ABTB3: variants seen among roughly 807,000 people sequenced by gnomAD.
The protein encoded by ABTB3 is ankyrin repeat- and BTB/POZ domain-containing protein 3.
the ABTB3 span, among the ~76,000 whole-genome samples, chr12:107,539,261 C>T: frequency 6.5e-4 from 99 of 152,238 alleles, no homozygotes; most frequent in Non-Finnish European, 1.1e-3. Flanking sequence ...AACATTGTCT[C>T]AGTGCCCGAT....
chr12:107,432,906 C>G, the ABTB3 span, among the ~76,000 whole-genome samples: 1 of 152,184 alleles, frequency 6.6e-6, no homozygotes, highest in African/African-American at 2.4e-5. Context: ...TTGTGAAAAG[C>G]TTCCTTCTCC....
the ABTB3 span, among the ~76,000 whole-genome samples, chr12:107,385,725 G>T: frequency 6.6e-6 from 1 of 152,144 alleles, no homozygotes; most frequent in African/African-American, 2.4e-5. Flanking sequence ...ATGGCTTATG[G>T]GGCCCAACAG....
chr12:107,568,324 A>G, the ABTB3 span, among the ~76,000 whole-genome samples: 1 of 152,208 alleles, frequency 6.6e-6, no homozygotes, highest in East Asian at 1.9e-4. Flanking sequence ...GGGAGCTATA[A>G]AATCATGGTA....
At chr12:107,412,035 C>T in the ABTB3 span, among the ~76,000 whole-genome samples, 4 of 152,158 alleles carry the variant, frequency 2.6e-5, no homozygotes, top group Non-Finnish European at 5.9e-5. Context: ...CTGACTCAAC[C>T]TGAAGGATGA....
At chr12:107,499,310 C>T in the ABTB3 span, among the ~76,000 whole-genome samples, 1 of 151,780 alleles carries the variant, frequency 6.6e-6, no homozygotes, top group South Asian at 2.1e-4. Context: ...CACAGTGCTG[C>T]GTACTAGAAG....
chr12:107,474,249 C>T, the ABTB3 span, among the ~76,000 whole-genome samples: 233 of 152,212 alleles, frequency 1.5e-3, 2 homozygotes, highest in East Asian at 0.041. Flanking sequence ...GCCACTGGCC[C>T]GTGTTTATTG....
chr12:107,393,608 A>ATAG, the ABTB3 span, among the ~76,000 whole-genome samples: 1 of 152,162 alleles, frequency 6.6e-6, no homozygotes, highest in Non-Finnish European at 1.5e-5. Flanking sequence ...TGCCTATGTC[A>ATAG]TAGTAGGCTC....
chr12:107,578,965 G>A, the ABTB3 span, among the ~76,000 whole-genome samples: 9 of 152,344 alleles, frequency 5.9e-5, no homozygotes, highest in South Asian at 4.1e-4. Flanking sequence ...GAGCTGCGGC[G>A]GGAGCCGTGA....
the ABTB3 span, among the ~76,000 whole-genome samples, chr12:107,454,944 C>G: frequency 2.0e-5 from 3 of 152,296 alleles, no homozygotes; most frequent in Admixed American, 1.3e-4. Flanking sequence ...TCACAACAAC[C>G]CTTGAAATTA....
the ABTB3 span, among the ~76,000 whole-genome samples, chr12:107,640,836 A>G: frequency 3.3e-5 from 5 of 152,220 alleles, no homozygotes; most frequent in Admixed American, 1.3e-4. Flanking sequence ...TCATGTAACA[A>G]TAGGAAGAAC....
the ABTB3 span, among the ~76,000 whole-genome samples, chr12:107,415,968 T>C: frequency 6.6e-6 from 1 of 151,808 alleles, no homozygotes; most frequent in African/African-American, 2.4e-5. Flanking sequence ...CTATGGAATT[T>C]GAAAGAAAAA....
At chr12:107,630,196 C>T in the ABTB3 span, among the ~76,000 whole-genome samples, 46 of 152,310 alleles carry the variant, frequency 3.0e-4, no homozygotes, top group Middle Eastern at 6.8e-3. Flanking sequence ...GGTGCCACCA[C>T]GGCGTAGCAC....
chr12:107,449,237 C>T, the ABTB3 span, among the ~76,000 whole-genome samples: 44 of 152,330 alleles, frequency 2.9e-4, no homozygotes, highest in African/African-American at 1.1e-3. Flanking sequence ...TGGGACTTCT[C>T]TTCTCTGCAG....
the ABTB3 span, among the ~76,000 whole-genome samples, chr12:107,647,275 A>C: frequency 6.6e-6 from 1 of 152,218 alleles, no homozygotes; most frequent in East Asian, 1.9e-4. Context: ...GGTTGCAGTA[A>C]GCTATGATCA....
the ABTB3 span, among the ~76,000 whole-genome samples, chr12:107,537,726 CA>C: frequency 6.6e-6 from 1 of 152,164 alleles, no homozygotes; most frequent in Non-Finnish European, 1.5e-5. Context: ...CAGTGGAGGC[CA>C]AGTCTACCTC....
At chr12:107,487,055 A>G in the ABTB3 span, among the ~76,000 whole-genome samples, 1 of 152,132 alleles carries the variant, frequency 6.6e-6, no homozygotes, top group African/African-American at 2.4e-5. Flanking sequence ...CATGTATTCT[A>G]TTGTGTTCTA....
chr12:107,419,657 G>A, the ABTB3 span, among the ~76,000 whole-genome samples: 1 of 152,124 alleles, frequency 6.6e-6, no homozygotes, highest in Non-Finnish European at 1.5e-5. Context: ...ATAAAATAAT[G>A]GCACTGTACC....
chr12:107,355,669 T>C, the ABTB3 span, among the ~76,000 whole-genome samples: 16 of 152,182 alleles, frequency 1.1e-4, no homozygotes, highest in Non-Finnish European at 2.4e-4. Flanking sequence ...TTATTATATA[T>C]ATCAGAACCC....
chr12:107,392,591 A>G, the ABTB3 span, among the ~76,000 whole-genome samples: 3 of 152,074 alleles, frequency 2.0e-5, no homozygotes, highest in African/African-American at 7.2e-5. Flanking sequence ...GCCTTGACTA[A>G]TCTCTCAATG....
Sources: gnomAD v4.1 joint callset for allele counts (sites outside exome capture counted in the v4.1 genomes callset) on GRCh38, gnomAD v4.1.1 for gene constraint, MANE v1.5 for transcripts, NCBI Gene and HGNC (gene_info 2026-07-23, HGNC 2026-07-21) for gene names.